CLIC2: variants seen among roughly 807,000 people sequenced by gnomAD.
CLIC2 encodes chloride intracellular channel protein 2.
Under a neutral mutation model 14.8 loss-of-function variants are expected in CLIC2, and 9 were observed. The observed-to-expected ratio is 0.61, with a 90% CI of 0.37 to 1.06. The LOEUF (loss-of-function observed/expected upper bound fraction) is 1.06. Among genes scored for constraint, CLIC2 ranks in the 50% least tolerant of loss-of-function variants. The pLI, the probability that CLIC2 is intolerant of heterozygous loss-of-function variation, is 0.01. For missense variants in CLIC2, 148 were observed against 181.4 expected (o/e 0.82, Z 1.06); for synonymous variants, 61 against 66.3 (o/e 0.92, Z 0.39).
At chrX:155,284,735 C>G (rs1268238922) in intron 3 of CLIC2, among the ~76,000 whole-genome samples, 2 of 111,624 alleles carry the variant, frequency 1.8e-5, no homozygotes, top group African/African-American at 6.5e-5. Context: ...TGAGGTAATC[C>G]TTCAGGGAAC....
intron 1 of CLIC2, among the ~76,000 whole-genome samples, chrX:155,322,587 C>T (rs2075119975): frequency 9.0e-6 from 1 of 111,674 alleles, no homozygotes; most frequent in African/African-American, 3.3e-5. Context: ...ACTAAAATCC[C>T]ACATCAGAAA....
Position 155,278,083 on chromosome X carries a change from A to AC in CLIC2, c.583-20_583-19insG. 1 of 1,197,714 alleles carries AC rather than the reference A, an allele frequency of 8.3e-7. No homozygotes were observed. Among genetic ancestry groups the AC allele is most frequent in the East Asian group, 3.0e-5 (1 of 33,815 alleles). On this transcript the variant is annotated intron_variant, in intron 5 of 5. Coordinates refer to ENST00000369449, the MANE Select transcript of CLIC2 (RefSeq NM_001289.6). ...CAGCAACCTAGAATTTTGCAAAAAA[A>AC]AGAGGAAAAAGAAGGCATCAGTAAT... is the stretch of plus-strand genomic sequence containing the variant.
chrX:155,301,240 C>T (rs1472818892), intron 1 of CLIC2, among the ~76,000 whole-genome samples: 5 of 103,688 alleles, frequency 4.8e-5, no homozygotes, highest in Non-Finnish European at 9.9e-5. Flanking sequence ...TGTTTGTAAC[C>T]TCTTTTATTT....
chrX:155,310,310 T>C (rs1557320415), intron 1 of CLIC2: 1 of 175,249 alleles, frequency 5.7e-6, no homozygotes, highest in African/African-American at 3.1e-5. Flanking sequence ...TTATAGTGAC[T>C]GTATATAGTG....
At chrX:155,333,740 A>C (rs1384414897) in intron 1 of CLIC2, among the ~76,000 whole-genome samples, 1 of 109,652 alleles carries the variant, frequency 9.1e-6, no homozygotes, top group Non-Finnish European at 1.9e-5. Context: ...AAAAAAAAAA[A>C]AAAACAACTC....
intron 1 of CLIC2, among the ~76,000 whole-genome samples, chrX:155,324,375 C>G (rs782257341): frequency 2.6e-4 from 29 of 111,739 alleles, no homozygotes; most frequent in African/African-American, 9.4e-4. Flanking sequence ...TACTACAAGG[C>G]TACAGTAACC....
At position 155,306,306 on chromosome X, in the gene CLIC2, C is replaced by T. The variant is rs2075055352; in HGVS notation, c.58-7161G>A. Among the ~76,000 whole-genome samples, 3 of 111,345 alleles carry T rather than the reference C, an allele frequency of 2.7e-5. No homozygotes were observed. In the South Asian group the frequency reaches 1.1e-3, roughly 42 times the overall value. ...TTGTTAAAAGTATGTGGCACCTCCCCCCTTGCTCTCTTGTTCCCACTTTCA... is the reference window on the plus strand; with the variant it reads ...TTGTTAAAAGTATGTGGCACCTCCCTCCTTGCTCTCTTGTTCCCACTTTCA... On this transcript the variant is annotated intron_variant, in intron 1 of 5. Transcript: ENST00000369449.
intron 1 of CLIC2, among the ~76,000 whole-genome samples, chrX:155,329,534 A>G (rs1190546155): frequency 1.8e-5 from 2 of 108,387 alleles, no homozygotes; most frequent in Non-Finnish European, 3.9e-5. Flanking sequence ...ACAGGAAATA[A>G]CAAACGCTGG....
intron 3 of CLIC2, among the ~76,000 whole-genome samples, chrX:155,295,257 G>A (rs1158307354): frequency 2.7e-5 from 3 of 110,978 alleles, no homozygotes; most frequent in African/African-American, 9.8e-5. Context: ...ATAGAATAAA[G>A]GACAAAAAAC....
rs921467892 is a variant in CLIC2 at position 155,313,214 on chromosome X, A to C, written c.58-14069T>G. Among the ~76,000 whole-genome samples, 11 of 108,997 alleles carry C rather than the reference A, an allele frequency of 1.0e-4. No individual in the cohort carries two copies. In the East Asian group the frequency reaches 3.1e-3, roughly 31 times the overall value. The allele number at this position is 108,997 out of a possible 115,157, so 94.7% of individuals were successfully genotyped here. On this transcript the variant is annotated intron_variant, in intron 1 of 5. Transcript: ENST00000369449. Reference sequence around the variant, plus strand: ...AAATAAGGCAAAAAAAAAAAAAAAAAACAAAACTACTGTCAAAGTTGCAGG... The same window carrying C: ...AAATAAGGCAAAAAAAAAAAAAAAACACAAAACTACTGTCAAAGTTGCAGG...
chrX:155,315,701 G>GA (rs200916419), intron 1 of CLIC2, among the ~76,000 whole-genome samples: 150 of 107,030 alleles, frequency 1.4e-3, no homozygotes, highest in African/African-American at 4.1e-3. Context: ...ATAACACAAT[G>GA]AAAAAAAAAC....
chrX:155,312,389 C>T (rs941508288), intron 1 of CLIC2, among the ~76,000 whole-genome samples: 1 of 112,018 alleles, frequency 8.9e-6, no homozygotes, highest in Non-Finnish European at 1.9e-5. Context: ...ATAGGGCTAG[C>T]CAATTATCCC....
At chrX:155,290,155 C>A (rs1476660727) in intron 3 of CLIC2, among the ~76,000 whole-genome samples, 1 of 111,980 alleles carries the variant, frequency 8.9e-6, no homozygotes. Flanking sequence ...ATGTTGAACT[C>A]TTTTCTAGCT....
At position 155,293,933 on chromosome X, in the gene CLIC2, G is replaced by A. The variant is rs930579316; in HGVS notation, c.293+4852C>T. ...AAAGCAAACATTACTAGATCTAAAG[G>A]TAGAGACAGACTGCAGTGCAATAAT... On this transcript the variant is annotated intron_variant, in intron 3 of 5. Coordinates refer to ENST00000369449, the MANE Select transcript of CLIC2 (RefSeq NM_001289.6). Among the ~76,000 whole-genome samples, 3 of 111,515 alleles carry A rather than the reference G, an allele frequency of 2.7e-5. No homozygotes were observed. In the East Asian group the frequency reaches 8.3e-4, roughly 31 times the overall value.
At chrX:155,309,149 A>G (rs2075065558) in intron 1 of CLIC2, among the ~76,000 whole-genome samples, 1 of 111,531 alleles carries the variant, frequency 9.0e-6, no homozygotes, top group Admixed American at 9.5e-5. Context: ...TACTAAAAAT[A>G]TAAACAATTA....
At chrX:155,305,368 T>C (rs1174513674) in intron 1 of CLIC2, among the ~76,000 whole-genome samples, 1 of 112,387 alleles carries the variant, frequency 8.9e-6, no homozygotes, top group Non-Finnish European at 1.9e-5. Context: ...TTTCTTTGAC[T>C]CAGAAAGGGA....
At chrX:155,319,600 G>A (rs1249494941) in intron 1 of CLIC2, among the ~76,000 whole-genome samples, 1 of 112,034 alleles carries the variant, frequency 8.9e-6, no homozygotes, top group East Asian at 2.8e-4. Flanking sequence ...ACTCCACCAG[G>A]GCCCTGGGTT....
At chrX:155,314,164 C>T (rs1250116164) in intron 1 of CLIC2, among the ~76,000 whole-genome samples, 4 of 111,089 alleles carry the variant, frequency 3.6e-5, no homozygotes, top group African/African-American at 6.5e-5. Flanking sequence ...GCCCACCACC[C>T]GAGAAACCTG....
At chrX:155,282,992 A>G (rs1557316666) in intron 3 of CLIC2, among the ~76,000 whole-genome samples, 1 of 111,540 alleles carries the variant, frequency 9.0e-6, no homozygotes, top group African/African-American at 3.3e-5. Context: ...GGCCCATTCA[A>G]GCTCAGGCTT....
Sources: gnomAD v4.1 joint callset for allele counts (sites outside exome capture counted in the v4.1 genomes callset) on GRCh38, gnomAD v4.1.1 for gene constraint, MANE v1.5 for transcripts, NCBI Gene and HGNC (gene_info 2026-07-23, HGNC 2026-07-21) for gene names.